PLEKHA7: variants seen among roughly 807,000 people sequenced by gnomAD.
The protein encoded by PLEKHA7 is pleckstrin homology domain-containing family A member 7.
PLEKHA7 carries 104 observed loss-of-function variants against 170.0 expected under a neutral mutation model. The observed-to-expected ratio is 0.61, with a 90% confidence interval of 0.52 to 0.72. The LOEUF (loss-of-function observed/expected upper bound fraction) is 0.72, where lower values mean the gene tolerates loss of function less well. Among genes scored for constraint, PLEKHA7 ranks in the 30% least tolerant of loss-of-function variants. PLEKHA7 has a pLI of 0.00. For missense variants in PLEKHA7, 1,615 were observed against 1,671.7 expected, an observed-to-expected ratio of 0.97 and a Z score of 0.59; for synonymous variants, 648 against 660.8, an observed-to-expected ratio of 0.98 and a Z score of 0.30.
chr11:16,884,635 A>C lies in PLEKHA7; in HGVS notation c.222-13453T>G, dbSNP rs539304380. Among the ~76,000 whole-genome samples the C allele has an allele frequency of 3.9e-4, 46 of 116,908 alleles. No homozygotes were observed. The East Asian group carries it at 7.1e-3, about 18-fold the overall frequency. The allele number at this position is 116,908 out of a possible 152,430, so 76.7% of individuals were successfully genotyped here. ...GGACAACAGAGTGAGACTATGTTTAAAAAAAGAAAAGAAAAGAAAAGAAAA... is the reference window on the plus strand; with the variant it reads ...GGACAACAGAGTGAGACTATGTTTACAAAAAGAAAAGAAAAGAAAAGAAAA... On this transcript the variant is annotated intron_variant, in intron 3 of 26. Coordinates refer to ENST00000531066, the MANE Select transcript of PLEKHA7 (RefSeq NM_001329630.2).
chr11:16,907,076 C>G (rs1380792161), intron 3 of PLEKHA7, among the ~76,000 whole-genome samples: 3 of 141,820 alleles, frequency 2.1e-5, no homozygotes, highest in Admixed American at 6.9e-5. Flanking sequence ...AAGCGAGGAG[C>G]GTCTCCGCCC....
chr11:16,855,025 G>A (rs1565019645), intron 5 of PLEKHA7, 32 bp from the exon 6 acceptor site: 4 of 1,588,986 alleles, frequency 2.5e-6, no homozygotes, highest in African/African-American at 1.3e-5. Flanking sequence ...TTTAGCAACA[G>A]GGAATTTAAG....
chr11:16,814,930 T>C (rs1056209665), intron 12 of PLEKHA7, among the ~76,000 whole-genome samples: 1 of 152,174 alleles, frequency 6.6e-6, no homozygotes, highest in African/African-American at 2.4e-5. Context: ...TGGCAGTCAC[T>C]ACTTACAGCC....
intron 4 of PLEKHA7, among the ~76,000 whole-genome samples, chr11:16,859,003 A>C (rs1306175964): frequency 6.6e-6 from 1 of 151,912 alleles, no homozygotes; most frequent in Non-Finnish European, 1.5e-5. Context: ...AGACAGCTTG[A>C]CTCCTCATGG....
intron 9 of PLEKHA7, among the ~76,000 whole-genome samples, chr11:16,838,693 CTTT>C (rs869209891): frequency 2.8e-5 from 3 of 107,870 alleles, no homozygotes; most frequent in African/African-American, 3.4e-5. Context: ...ACACAGTTTT[CTTT>C]TTTTTTTTTT....
rs746087917 is a variant in PLEKHA7, at chr11:16,778,481, T to C, written c.*517A>G. 1.2e-5 allele frequency: 2 copies of C among 173,808 alleles called. No homozygotes were observed. Among genetic ancestry groups the C allele is most frequent in the Non-Finnish European group, 2.5e-5 (2 of 79,734 alleles). 10.8% of individuals were successfully genotyped at this position (173,808 alleles called of 1,614,324 possible). A position where few individuals can be genotyped will look rare whatever the true frequency, so the allele number is the denominator to read the frequency against. On this transcript the variant is annotated 3_prime_UTR_variant, in exon 27 of 27. Transcript: ENST00000531066. Reference sequence around the variant, plus strand: ...GTCATCAGGTCAGGGACAGCTGATCTCTGCAGCCAAGGGCCCCTCTTCTCC... The same window carrying C: ...GTCATCAGGTCAGGGACAGCTGATCCCTGCAGCCAAGGGCCCCTCTTCTCC...
In PLEKHA7 at chr11:16,855,642, A is replaced by G; in HGVS notation, c.417+161T>C. On this transcript the variant is annotated intron_variant, in intron 5 of 26. Coordinates refer to ENST00000531066, the MANE Select transcript of PLEKHA7 (RefSeq NM_001329630.2). ...ACCTGTTCTGCTGGACAAGGGACAT[A>G]TCCCTCTTGGCCTCAGTTTCCTGAT... is the stretch of plus-strand genomic sequence containing the variant. 4.8e-6 allele frequency: 3 copies of G among 625,858 alleles called. No individual in the cohort carries two copies. The South Asian group carries it at 5.8e-5, about 12-fold the overall frequency. 38.8% of individuals were successfully genotyped at this position (625,858 alleles called of 1,614,324 possible).
chr11:16,814,827 C>T lies in PLEKHA7; in HGVS notation c.1953+1351G>A, dbSNP rs1475812163. Among the ~76,000 whole-genome samples, 5 of 152,250 alleles carry T rather than the reference C, an allele frequency of 3.3e-5. No homozygotes were observed. The East Asian group carries it at 9.6e-4, about 29-fold the overall frequency. On this transcript the variant is annotated intron_variant, in intron 12 of 26. Transcript: ENST00000531066. The stretch of plus-strand genomic sequence containing the variant: ...CGCCCTGCATCTCCCTCCAGGCTGA[C>T]GCATATGTGCCTTTCCACATCCCAA...
chr11:16,955,318 T>A (rs913588303), intron 3 of PLEKHA7, among the ~76,000 whole-genome samples: 1 of 152,214 alleles, frequency 6.6e-6, no homozygotes, highest in African/African-American at 2.4e-5. Flanking sequence ...TTGCTTCCTA[T>A]TGAGCATTCC....
intron 3 of PLEKHA7, among the ~76,000 whole-genome samples, chr11:16,892,619 CTTTTTTTTT>C (rs10674972): frequency 1.5e-4 from 12 of 82,414 alleles, no homozygotes; most frequent in Non-Finnish European, 2.6e-4. Flanking sequence ...CTTCCAGCTT[CTTTTTTTTT>C]TTTTTTTTTT....
intron 3 of PLEKHA7, among the ~76,000 whole-genome samples, chr11:16,892,046 G>C (rs953035449): frequency 6.6e-6 from 1 of 152,166 alleles, no homozygotes; most frequent in African/African-American, 2.4e-5. Context: ...CATCACACTG[G>C]CCAACTGCCT....
At chr11:16,894,600 C>A (rs999737803) in intron 3 of PLEKHA7, among the ~76,000 whole-genome samples, 1 of 151,630 alleles carries the variant, frequency 6.6e-6, no homozygotes, top group African/African-American at 2.4e-5. Context: ...GCTCCACACT[C>A]GTAGTGTAAG....
At chr11:17,009,625 T>TTTTA (rs34851996) in intron 3 of PLEKHA7, among the ~76,000 whole-genome samples, 88,324 of 149,106 alleles carry the variant, frequency 0.59, 27,013 homozygotes, top group East Asian at 0.96. Flanking sequence ...AAAGTCTTCG[T>TTTTA]TTTATTTATT....
chr11:16,896,599 G>A (rs1228568574), intron 3 of PLEKHA7, among the ~76,000 whole-genome samples: 4 of 152,002 alleles, frequency 2.6e-5, no homozygotes, highest in Non-Finnish European at 5.9e-5. Context: ...TCCTATCTCT[G>A]CACCCACCCA....
At chr11:16,801,144 T>C (rs1488500742) in intron 16 of PLEKHA7, 69 bp from the exon 17 acceptor site, 16 of 1,351,880 alleles carry the variant, frequency 1.2e-5, no homozygotes, top group African/African-American at 2.9e-5. Context: ...CACGAACACC[T>C]GTACTCCTGA....
Position 16,817,072 on chromosome 11 carries a change from A to ACTGCTGGCG in PLEKHA7, c.1585_1593dup (p.Arg529_Gln531dup), listed in dbSNP as rs1355724505. 1.9e-6 allele frequency: 3 copies of ACTGCTGGCG among 1,612,380 alleles called. No homozygotes were observed. The African/African-American group carries it at 4.0e-5, about 22-fold the overall frequency. Reference sequence around the variant, plus strand: ...GGCGCTGTGGGGCTGCCGTGCCGGAACTGCTGGCGCTGCTGCCACTCGTAG... The same window carrying ACTGCTGGCG: ...GGCGCTGTGGGGCTGCCGTGCCGGAACTGCTGGCGCTGCTGGCGCTGCTGCCACTCGTAG... On this transcript the variant is annotated inframe_insertion, in exon 11 of 27. Transcript: ENST00000531066. The surrounding 1 kb of genome is among the most constrained non-coding windows in gnomAD (Gnocchi z 4.4).
intron 6 of PLEKHA7, among the ~76,000 whole-genome samples, chr11:16,853,134 C>T (rs1471163672): frequency 6.6e-6 from 1 of 152,066 alleles, no homozygotes; most frequent in African/African-American, 2.4e-5. Flanking sequence ...TCGCCTGTGA[C>T]CAGGAATTCA....
chr11:17,008,428 C>T (rs1050237400), intron 3 of PLEKHA7, among the ~76,000 whole-genome samples: 4 of 152,148 alleles, frequency 2.6e-5, no homozygotes, highest in African/African-American at 7.2e-5. Flanking sequence ...CTGCTTTGAG[C>T]ATTGTTCTCA....
At chr11:16,831,723 C>A (rs400349) in intron 9 of PLEKHA7, among the ~76,000 whole-genome samples, 14,641 of 152,238 alleles carry the variant, frequency 0.096, 820 homozygotes, top group East Asian at 0.16. Flanking sequence ...GGGCAAGTGA[C>A]CTCTCTAGTT....
Sources: gnomAD v4.1 joint callset for allele counts (sites outside exome capture counted in the v4.1 genomes callset) on GRCh38, gnomAD v4.1.1 for gene constraint, Gnocchi (gnomAD v3.1) non-coding constraint, MANE v1.5 for transcripts, NCBI Gene and HGNC (gene_info 2026-07-23, HGNC 2026-07-21) for gene names.